Variants in SGMS1 observed in about 807,000 individuals in gnomAD.
SGMS1 encodes sphingomyelin synthase 1.
In SGMS1, 13 loss-of-function variants were observed where a neutral mutation model predicts 46.2. The ratio of observed to expected loss-of-function variants is 0.28; its 90% CI spans 0.18 to 0.45. The LOEUF (loss-of-function observed/expected upper bound fraction) is 0.45. Among genes scored for constraint, SGMS1 ranks in the 20% least tolerant of loss-of-function variants. SGMS1 has a pLI of 1.00. For missense variants in SGMS1, 324 were observed against 519.9 expected, an observed-to-expected ratio of 0.62 and a Z score of 3.66; for synonymous variants, 203 against 187.8, an observed-to-expected ratio of 1.08 and a Z score of -0.66.
intron 6 of SGMS1, among the ~76,000 whole-genome samples, chr10:50,415,242 CT>C (rs1467133122): frequency 6.6e-6 from 1 of 152,228 alleles, no homozygotes; most frequent in Non-Finnish European, 1.5e-5. Context: ...ATGAATAATT[CT>C]TAGCAAACAT....
At chr10:50,494,992 C>T (rs541616085) in intron 3 of SGMS1, among the ~76,000 whole-genome samples, 5 of 147,898 alleles carry the variant, frequency 3.4e-5, no homozygotes, top group East Asian at 4.0e-4. Flanking sequence ...GCAGAGATCC[C>T]GCCACTGCAC....
At chr10:50,344,692 A>T (rs1355560969) in intron 6 of SGMS1, among the ~76,000 whole-genome samples, 1 of 151,822 alleles carries the variant, frequency 6.6e-6, no homozygotes, top group Non-Finnish European at 1.5e-5. Flanking sequence ...ACACGGTGAA[A>T]CCCTGTCTCT....
chr10:50,458,198 T>C (rs1010289815), intron 5 of SGMS1, among the ~76,000 whole-genome samples: 1 of 152,256 alleles, frequency 6.6e-6, no homozygotes, highest in Non-Finnish European at 1.5e-5. Flanking sequence ...GTTTGAATGC[T>C]AAACATAAGA....
At position 50,617,584 on chromosome 10, in the gene SGMS1, G is replaced by T. The variant is rs115827316; in HGVS notation, c.-684+6123C>A. Among the ~76,000 whole-genome samples the T allele has an allele frequency of 5.0e-3, 758 of 152,144 alleles. 4 individuals are homozygous for T. Among genetic ancestry groups the T allele is most frequent in the African/African-American group, 0.017 (719 of 41,508 alleles). On this transcript the variant is annotated intron_variant, in intron 1 of 10. Transcript: ENST00000361781. ...AGTTACAACTCTTATTTTTATTTAT[G>T]TATTTATTTATTTATGAGACAGGGT...
At chr10:50,407,087 G>A (rs1053959301) in intron 6 of SGMS1, among the ~76,000 whole-genome samples, 13 of 152,048 alleles carry the variant, frequency 8.5e-5, no homozygotes, top group African/African-American at 3.1e-4. Flanking sequence ...AGACTGAACT[G>A]ATGATATACT....
At chr10:50,476,679 C>T (rs1170861879) in intron 3 of SGMS1, among the ~76,000 whole-genome samples, 1 of 152,148 alleles carries the variant, frequency 6.6e-6, no homozygotes, top group East Asian at 1.9e-4. Context: ...CCTAGGACAC[C>T]ACTGCGCTGG....
intron 7 of SGMS1, among the ~76,000 whole-genome samples, chr10:50,330,907 T>C (rs1847614718): frequency 6.6e-6 from 1 of 152,196 alleles, no homozygotes; most frequent in African/African-American, 2.4e-5. Flanking sequence ...GTTTTACCTT[T>C]AACAAAGGCT....
At chr10:50,495,863 T>G (rs1380535917) in intron 3 of SGMS1, among the ~76,000 whole-genome samples, 1 of 151,926 alleles carries the variant, frequency 6.6e-6, no homozygotes, top group Non-Finnish European at 1.5e-5. Context: ...CATAAGAAAA[T>G]TTGGCCTATC....
At chr10:50,495,380 T>C (rs1306669490) in intron 3 of SGMS1, among the ~76,000 whole-genome samples, 1 of 152,158 alleles carries the variant, frequency 6.6e-6, no homozygotes, top group Non-Finnish European at 1.5e-5. Flanking sequence ...GGAGAAAATG[T>C]TTAAATAGAA....
At chr10:50,446,990 CAT>C (rs1199934788) in intron 5 of SGMS1, among the ~76,000 whole-genome samples, 3 of 152,152 alleles carry the variant, frequency 2.0e-5, no homozygotes, top group Non-Finnish European at 4.4e-5. Context: ...TTAATTTACA[CAT>C]GTCATTTTTG....
chr10:50,561,648 C>T (rs377537672), intron 2 of SGMS1, among the ~76,000 whole-genome samples: 1 of 152,166 alleles, frequency 6.6e-6, no homozygotes, highest in Non-Finnish European at 1.5e-5. Context: ...AATGAAAGGT[C>T]AACTTAAAAT....
intron 8 of SGMS1, among the ~76,000 whole-genome samples, chr10:50,326,952 T>C (rs78301922): frequency 1.3e-5 from 2 of 151,912 alleles, no homozygotes; most frequent in African/African-American, 4.8e-5. Context: ...TTTTAACAAT[T>C]TGGCAGGAAA....
intron 7 of SGMS1, among the ~76,000 whole-genome samples, chr10:50,337,049 C>T (rs111946904): frequency 1.6e-4 from 24 of 151,960 alleles, no homozygotes; most frequent in African/African-American, 5.1e-4. Flanking sequence ...ACCTACCTTG[C>T]TTTATTGCTG....
At chr10:50,495,035 CA>C (rs1428797071) in intron 3 of SGMS1, among the ~76,000 whole-genome samples, 27 of 50,744 alleles carry the variant, frequency 5.3e-4, no homozygotes, top group African/African-American at 9.2e-4. Flanking sequence ...GACTCCGTCT[CA>C]AAAAAAAAAA....
At chr10:50,620,986 C>T (rs1838844549) in intron 1 of SGMS1, among the ~76,000 whole-genome samples, 1 of 152,050 alleles carries the variant, frequency 6.6e-6, no homozygotes, top group African/African-American at 2.4e-5. Context: ...GAGTTTGGGA[C>T]CAGCCTGGGC....
At chr10:50,479,860 G>T (rs921345245) in intron 3 of SGMS1, among the ~76,000 whole-genome samples, 1 of 152,024 alleles carries the variant, frequency 6.6e-6, no homozygotes, top group Non-Finnish European at 1.5e-5. Flanking sequence ...AACACCACAA[G>T]TATTTCTTGA....
At chr10:50,376,974 A>G (rs1191631226) in intron 6 of SGMS1, among the ~76,000 whole-genome samples, 2 of 152,206 alleles carry the variant, frequency 1.3e-5, no homozygotes, top group Middle Eastern at 3.2e-3. Flanking sequence ...TTAGACTAAG[A>G]AAGGCAGTAA....
At chr10:50,388,416 T>C (rs761101963) in intron 6 of SGMS1, among the ~76,000 whole-genome samples, 1 of 150,834 alleles carries the variant, frequency 6.6e-6, no homozygotes, top group Non-Finnish European at 1.5e-5. Flanking sequence ...GACAGATCAC[T>C]TGAGGCCAGA....
intron 3 of SGMS1, among the ~76,000 whole-genome samples, chr10:50,480,145 C>T (rs1429819234): frequency 6.6e-6 from 1 of 152,066 alleles, no homozygotes; most frequent in African/African-American, 2.4e-5. Flanking sequence ...ATAACTCATG[C>T]AGTGAGTACT....
Sources: gnomAD v4.1 joint callset for allele counts (sites outside exome capture counted in the v4.1 genomes callset) on GRCh38, gnomAD v4.1.1 for gene constraint, MANE v1.5 for transcripts, NCBI Gene and HGNC (gene_info 2026-07-23, HGNC 2026-07-21) for gene names.